THBS4: variants seen among roughly 807,000 people sequenced by gnomAD.
The protein encoded by THBS4 is thrombospondin-4.
Under a neutral mutation model 115.7 loss-of-function variants are expected in THBS4, and 90 were observed. The observed-to-expected ratio is 0.78, with a 90% CI of 0.66 to 0.93. The LOEUF (loss-of-function observed/expected upper bound fraction) is 0.93. Ranked by LOEUF, THBS4 falls within the 40% of genes least tolerant of loss-of-function variation. THBS4 has a pLI of 0.00. For synonymous variants in THBS4, 460 were observed against 479.3 expected, an observed-to-expected ratio of 0.96 and a Z score of 0.53; for missense variants, 1,087 against 1,232.7, an observed-to-expected ratio of 0.88 and a Z score of 1.77.
At chr5:80,069,288 TAATA>T (rs1203258721) in intron 10 of THBS4, among the ~76,000 whole-genome samples, 1 of 152,212 alleles carries the variant, frequency 6.6e-6, no homozygotes, top group African/African-American at 2.4e-5. Context: ...AAAAATGAGT[TAATA>T]AATAAATATA....
At chr5:80,003,551 A>G (rs761482890) in intron 2 of THBS4, among the ~76,000 whole-genome samples, 5 of 152,208 alleles carry the variant, frequency 3.3e-5, no homozygotes, top group Non-Finnish European at 7.3e-5. Flanking sequence ...TCTACTTCCC[A>G]GCCACAAAAC....
intron 3 of THBS4, among the ~76,000 whole-genome samples, chr5:80,056,935 C>T (rs1833451141): frequency 6.6e-6 from 1 of 152,120 alleles, no homozygotes; most frequent in Non-Finnish European, 1.5e-5. Context: ...AGTAGGAATG[C>T]TGTGCAGTTT....
intron 2 of THBS4, among the ~76,000 whole-genome samples, chr5:80,009,606 A>G (rs890830600): frequency 1.3e-5 from 2 of 151,884 alleles, no homozygotes; most frequent in Non-Finnish European, 2.9e-5. Flanking sequence ...ATTCTTTGTG[A>G]TTGCCAGATT....
intron 15 of THBS4, 31 bp from the exon 16 acceptor site, chr5:80,076,824 T>A: frequency 1.3e-6 from 2 of 1,510,302 alleles, no homozygotes; most frequent in Non-Finnish European, 8.9e-7. Context: ...TGCTGAACTG[T>A]GAGCCACATC....
chr5:80,056,050 A>G lies in THBS4; in HGVS notation c.540+18A>G. The G allele has an allele frequency of 6.3e-7, 1 of 1,579,852 alleles. No individual in the cohort carries two copies. The highest frequency in any genetic ancestry group is 2.3e-5 in the East Asian group (1 of 44,342). On this transcript the variant is annotated intron_variant, in intron 3 of 21. Coordinates refer to ENST00000350881, the MANE Select transcript of THBS4 (RefSeq NM_003248.6). ...AGCCACAGGTAGGAACCCACAAACC[A>G]TTCTCTGAAGTGGAAAAATGAGCTG...
chr5:80,051,380 A>G (rs1833251469), intron 2 of THBS4, among the ~76,000 whole-genome samples: 1 of 152,244 alleles, frequency 6.6e-6, no homozygotes. Context: ...AATAAAAAAG[A>G]AAATGAAAAA....
chr5:80,059,243 T>C (rs932987033), intron 5 of THBS4, among the ~76,000 whole-genome samples, 197 bp from the exon 6 acceptor site: 4 of 151,418 alleles, frequency 2.6e-5, no homozygotes, highest in African/African-American at 9.7e-5. Flanking sequence ...GGCAGGAGAA[T>C]TGCTGGAACC....
Position 79,991,351 on chromosome 5 carries a change from G to A in THBS4, n.20G>A, listed in dbSNP as rs368674111. ...AAGGGTAATTTGGGGGCTCTTGAGA[G>A]ATGAGAGAAACAACGACTGGAGGGA... On this transcript the variant is annotated non_coding_transcript_exon_variant, in exon 1 of 4. Coordinates refer to the THBS4 transcript ENST00000510218. 3 of 918,868 alleles carry A rather than the reference G, an allele frequency of 3.3e-6. No homozygotes were observed. In the South Asian group the frequency reaches 5.9e-5, roughly 18 times the overall value. The allele number at this position is 918,868 out of a possible 1,614,324, so 56.9% of individuals were successfully genotyped here.
chr5:80,078,489 C>T (rs1449417771), intron 17 of THBS4, among the ~76,000 whole-genome samples: 2 of 152,178 alleles, frequency 1.3e-5, no homozygotes, highest in Admixed American at 6.5e-5. Context: ...GGAATTGGGA[C>T]CCAGGCAGTC....
chr5:80,016,190 G>A (rs533044006), intron 2 of THBS4, among the ~76,000 whole-genome samples: 23 of 152,228 alleles, frequency 1.5e-4, no homozygotes, highest in African/African-American at 5.3e-4. Flanking sequence ...TGCCTTAAAC[G>A]TGTTGATGTC....
chr5:80,062,197 A>G (rs1027510346), intron 8 of THBS4, among the ~76,000 whole-genome samples: 3 of 152,358 alleles, frequency 2.0e-5, no homozygotes, highest in African/African-American at 7.2e-5. Flanking sequence ...TCACTTTTGT[A>G]GAGTCATTGT....
intron 15 of THBS4, chr5:80,076,268 T>C (rs1039972678): frequency 2.0e-5 from 3 of 152,214 alleles, no homozygotes; most frequent in African/African-American, 2.4e-5. Flanking sequence ...TAGCCAGGGA[T>C]TGTGAAGAGT....
At position 80,035,752 on chromosome 5, in the gene THBS4, C is replaced by T; in HGVS notation, c.88+127C>T. ...TCAGCCCCTCTCTGTCCCTCCCGGG[C>T]CCAATCAAAGCATATTGTGATTGGA... On this transcript the variant is annotated intron_variant, in intron 1 of 21. Coordinates refer to ENST00000350881, the MANE Select transcript of THBS4 (RefSeq NM_003248.6). The surrounding 1 kb of genome is among the most constrained non-coding windows in gnomAD (Gnocchi z 4.6). 3.0e-6 allele frequency: 2 copies of T among 672,184 alleles called. No homozygotes were observed. The highest frequency in any genetic ancestry group is 3.4e-5 in the East Asian group (1 of 29,078). The allele number at this position is 672,184 out of a possible 1,614,324, so 41.6% of individuals were successfully genotyped here.
chr5:80,071,068 AG>A lies in THBS4; in HGVS notation c.1609del (p.Asp537IlefsTer11). The A allele has an allele frequency of 6.2e-7, 1 of 1,613,138 alleles. No homozygotes were observed. The highest frequency in any genetic ancestry group is 8.5e-7 in the Non-Finnish European group (1 of 1,179,828). On this transcript the variant is annotated frameshift_variant, in exon 13 of 22. Transcript: ENST00000350881. LOFTEE classifies it high-confidence loss of function. ...HNVDQRNSDK[D>X]IFGDACDNCL... Reference sequence around the variant, plus strand: ...ATGTGGACCAAAGGAACAGCGATAAAGATATCTTTGGGGATGCCTGTGATAA... The same window carrying A: ...ATGTGGACCAAAGGAACAGCGATAAAATATCTTTGGGGATGCCTGTGATAA...
intron 2 of THBS4, among the ~76,000 whole-genome samples, chr5:80,046,695 C>T (rs73770696): frequency 1.2e-3 from 185 of 152,008 alleles, no homozygotes; most frequent in African/African-American, 4.3e-3. Context: ...TGGATGAAGT[C>T]GCTTATTATA....
rs534817070 is a variant in THBS4, at chr5:80,061,613, A to C, written c.988-82A>C. On this transcript the variant is annotated intron_variant, in intron 7 of 21. Coordinates refer to ENST00000350881, the MANE Select transcript of THBS4 (RefSeq NM_003248.6). ...CACCAAAAGATAGTTAAATGACTAAACAAGTATGTGCAAATAGATGAAGAA... is the reference window on the plus strand; with the variant it reads ...CACCAAAAGATAGTTAAATGACTAACCAAGTATGTGCAAATAGATGAAGAA... The C allele has an allele frequency of 7.5e-6, 11 of 1,470,380 alleles. 1 individual carries two copies. The South Asian group carries it at 1.4e-4, about 19-fold the overall frequency. The allele number at this position is 1,470,380 out of a possible 1,614,324, so 91.1% of individuals were successfully genotyped here. A position where few individuals can be genotyped will look rare whatever the true frequency, so the allele number is the denominator to read the frequency against.
At chr5:80,016,149 T>C (rs985519725) in intron 2 of THBS4, among the ~76,000 whole-genome samples, 1 of 152,200 alleles carries the variant, frequency 6.6e-6, no homozygotes, top group Non-Finnish European at 1.5e-5. Context: ...CCTCAATGAC[T>C]CACCAATTCC....
At chr5:80,005,761 C>CT (rs1561290803) in intron 2 of THBS4, among the ~76,000 whole-genome samples, 3 of 138,524 alleles carry the variant, frequency 2.2e-5, no homozygotes, top group African/African-American at 8.3e-5. Flanking sequence ...TTGTTTGTGG[C>CT]ATTTTTTTTT....
chr5:80,082,629 C>CCA lies in THBS4; in HGVS notation c.2824+85_2824+86insAC, dbSNP rs1554055208. The CCA allele has an allele frequency of 7.8e-6, 12 of 1,538,004 alleles. No individual in the cohort carries two copies. The African/African-American group carries it at 1.4e-4, about 17-fold the overall frequency. On this transcript the variant is annotated intron_variant, in intron 21 of 21. Transcript: ENST00000350881. ...CCTTATTTTTATACCGCACTTCCCC[C>CCA]CCAAAAGCCCAACGCTCATACCACA...
Sources: gnomAD v4.1 joint callset for allele counts (sites outside exome capture counted in the v4.1 genomes callset) on GRCh38, gnomAD v4.1.1 for gene constraint, Gnocchi (gnomAD v3.1) non-coding constraint, MANE v1.5 for transcripts, NCBI Gene and HGNC (gene_info 2026-07-23, HGNC 2026-07-21) for gene names.